The following IMPG2 variants were observed in gnomAD, a reference collection of about 807,000 sequenced individuals.
The protein encoded by IMPG2 is IPM 200.
IMPG2 carries 91 observed loss-of-function variants against 129.2 expected under a neutral mutation model. The ratio of observed to expected loss-of-function variants is 0.70; its 90% confidence interval spans 0.59 to 0.84. IMPG2 has a LOEUF of 0.84. Ranked by LOEUF, IMPG2 falls within the 40% of genes least tolerant of loss-of-function variation. The probability of loss-of-function intolerance (pLI) is 0.00; values close to 1 mark genes in which losing one functional copy is unlikely to be tolerated. For synonymous variants in IMPG2, 510 were observed against 517.7 expected, an observed-to-expected ratio of 0.99 and a Z score of 0.20; for missense variants, 1,430 against 1,461.7, an observed-to-expected ratio of 0.98 and a Z score of 0.35.
chr3:101,304,109 A>G, intron 3 of IMPG2, 37 bp downstream of exon 3: 4 of 1,608,832 alleles, frequency 2.5e-6, no homozygotes, highest in South Asian at 1.1e-5. Context: ...TGCTCCTACA[A>G]TAGTCCAGGA....
At chr3:101,247,063 T>C (rs1259087064) in intron 11 of IMPG2, among the ~76,000 whole-genome samples, 1 of 151,036 alleles carries the variant, frequency 6.6e-6, no homozygotes, top group African/African-American at 2.4e-5. Context: ...CCCACTGCAC[T>C]CCAGCCTGGG....
intron 9 of IMPG2, among the ~76,000 whole-genome samples, chr3:101,266,750 G>A (rs866951421): frequency 1.3e-5 from 2 of 152,252 alleles, no homozygotes; most frequent in South Asian, 4.1e-4. Flanking sequence ...ACTGGAACAA[G>A]ACATGCAGAC....
intron 14 of IMPG2, among the ~76,000 whole-genome samples, chr3:101,238,917 A>G (rs570627415): frequency 1.3e-5 from 2 of 152,256 alleles, no homozygotes; most frequent in Non-Finnish European, 2.9e-5. Flanking sequence ...TAAAAGACAC[A>G]GACTGGCAAA....
Position 101,233,010 on chromosome 3 carries a change from A to C in IMPG2, c.3023-19T>G. ...TCATCACCTAAAACATTAAACAAAG[A>C]ATAATGCAAGAAAAGGCAAAACACA... On this transcript the variant is annotated intron_variant, in intron 14 of 18. Transcript: ENST00000193391. 6.2e-7 allele frequency: 1 copy of C among 1,611,942 alleles called. No individual in the cohort carries two copies. Among genetic ancestry groups the C allele is most frequent in the Non-Finnish European group, 8.5e-7 (1 of 1,178,108 alleles).
chr3:101,319,636 A>T lies in IMPG2; in HGVS notation c.282T>A (p.Asp94Glu), dbSNP rs768824862. The change falls in exon 2 of 19, where the codon GAT (aspartate) becomes GAA (glutamate). Residue 94 changes from aspartate to glutamate, a missense_variant. Physicochemically the swap from Asp to Glu is conservative, Grantham distance 45 (BLOSUM62 2). Coordinates refer to ENST00000193391, the MANE Select transcript of IMPG2 (RefSeq NM_016247.4). ...LFPNGVKICP[D>E]ESVAEAVANH... Reference sequence around the variant, plus strand: ...TTGCCACAGCCTCTGCAACACTTTCATCTGGGCAGATTTTCACTCCATTAG... The same window carrying T: ...TTGCCACAGCCTCTGCAACACTTTCTTCTGGGCAGATTTTCACTCCATTAG... 1 of 1,613,736 alleles carries T rather than the reference A, an allele frequency of 6.2e-7. No individual in the cohort carries two copies. The highest frequency in any genetic ancestry group is 1.3e-5 in the African/African-American group (1 of 75,016).
intron 17 of IMPG2, 80 bp downstream of exon 17, chr3:101,229,300 A>ACCCCCCCCCCCCCCCCCCCCCCCCC: frequency 2.3e-6 from 2 of 859,118 alleles, no homozygotes; most frequent in Non-Finnish European, 3.8e-6. Context: ...ACTCATACAC[A>ACCCCCCCCCCCCCCCCCCCCCCCCC]CCCCCACCCA....
In IMPG2 at chr3:101,243,783, A is replaced by G. The variant is rs1334052741; in HGVS notation, c.2548T>C (p.Tyr850His). 1.2e-6 allele frequency: 2 copies of G among 1,614,074 alleles called. No homozygotes were observed. The highest frequency in any genetic ancestry group is 2.2e-5 in the East Asian group (1 of 44,874). The change falls in exon 13 of 19, where the codon TAT becomes CAT. Residue 850 changes from tyrosine (Y) to histidine (H), a missense_variant. Transcript: ENST00000193391. ...TGCTCTTGGACTTGCTCAGGCTGAT[A>G]GTAATCTGTGCCTATCCGGTCCAGT... The part of the protein sequence containing the change: ...LELDRIGTDY[Y>H]QPEQVQEQNG...
At chr3:101,318,149 A>AAATAAT (rs138777161) in intron 2 of IMPG2, among the ~76,000 whole-genome samples, 5,472 of 144,098 alleles carry the variant, frequency 0.038, 137 homozygotes, top group African/African-American at 0.063. Context: ...AAATAGTAAT[A>AAATAAT]AATAATAATA....
rs190338578 is a variant in IMPG2 at position 101,313,958 on chromosome 3, A to T, written c.334+5626T>A. 9.7e-4 allele frequency among the ~76,000 whole-genome samples: 147 copies of T among 152,258 alleles called. 1 individual carries two copies. The highest frequency in any genetic ancestry group is 1.3e-4 in the Non-Finnish European group (9 of 68,000). ...ATATACTAGCAAGGAATAATCAGAA[A>T]TTACATTTTTTAAAATATCACTAAT... On this transcript the variant is annotated intron_variant, in intron 2 of 18. Coordinates refer to ENST00000193391, the MANE Select transcript of IMPG2 (RefSeq NM_016247.4).
intron 9 of IMPG2, among the ~76,000 whole-genome samples, chr3:101,261,028 G>A (rs981480641): frequency 5.9e-5 from 9 of 152,104 alleles, no homozygotes; most frequent in African/African-American, 1.9e-4. Context: ...AAATATAACA[G>A]AGCAATTTTT....
intron 4 of IMPG2, among the ~76,000 whole-genome samples, chr3:101,285,943 A>G (rs1366682373): frequency 6.6e-6 from 1 of 152,188 alleles, no homozygotes; most frequent in East Asian, 1.9e-4. Context: ...ATTCACACAC[A>G]TATATGTACA....
chr3:101,261,563 A>C (rs1706670362), intron 9 of IMPG2, among the ~76,000 whole-genome samples: 1 of 152,212 alleles, frequency 6.6e-6, no homozygotes, highest in South Asian at 2.1e-4. Flanking sequence ...CTTCTATTAT[A>C]ATCTACCTTG....
At chr3:101,302,731 T>C (rs1232296318) in intron 3 of IMPG2, among the ~76,000 whole-genome samples, 1 of 152,236 alleles carries the variant, frequency 6.6e-6, no homozygotes, top group Non-Finnish European at 1.5e-5. Context: ...AACATAGTTA[T>C]TAATACTGAG....
intron 9 of IMPG2, among the ~76,000 whole-genome samples, chr3:101,263,148 A>G (rs1477201893): frequency 1.3e-5 from 2 of 152,044 alleles, no homozygotes; most frequent in African/African-American, 4.8e-5. Context: ...TCATCTAGAA[A>G]GAAAAATCAA....
At chr3:101,260,081 T>A (rs895208426) in intron 9 of IMPG2, among the ~76,000 whole-genome samples, 1 of 152,114 alleles carries the variant, frequency 6.6e-6, no homozygotes, top group African/African-American at 2.4e-5. Context: ...GGACCTGGCC[T>A]GGCCTACATG....
At chr3:101,257,882 G>A (rs1463332237) in intron 9 of IMPG2, 109 bp from the exon 10 acceptor site, 17 of 1,256,864 alleles carry the variant, frequency 1.4e-5, no homozygotes, top group Non-Finnish European at 1.9e-5. Flanking sequence ...GTCTCAAAGA[G>A]CATGGATTCC....
At chr3:101,232,163 C>T (rs1706294488) in intron 15 of IMPG2, among the ~76,000 whole-genome samples, 1 of 152,090 alleles carries the variant, frequency 6.6e-6, no homozygotes, top group South Asian at 2.1e-4. Flanking sequence ...CTTACCATCA[C>T]CATTAAAAAC....
chr3:101,289,030 A>C (rs1706976835), intron 4 of IMPG2, among the ~76,000 whole-genome samples: 1 of 152,208 alleles, frequency 6.6e-6, no homozygotes, highest in African/African-American at 2.4e-5. Flanking sequence ...ACAAATCCTA[A>C]AACACAGTTC....
At chr3:101,313,205 A>G (rs534974872) in intron 2 of IMPG2, among the ~76,000 whole-genome samples, 1 of 152,272 alleles carries the variant, frequency 6.6e-6, no homozygotes, top group South Asian at 2.1e-4. Context: ...AGAAGGTTCA[A>G]CTAACTAACT....
Sources: allele counts gnomAD v4.1 joint callset (sites outside exome capture counted in the v4.1 genomes callset), GRCh38; gene constraint gnomAD v4.1.1; transcripts MANE v1.5; gene names NCBI Gene and HGNC (gene_info 2026-07-23, HGNC 2026-07-21).